Variants in DTNA observed in about 807,000 individuals in gnomAD.
The protein encoded by DTNA is dystrobrevin alpha, also known as dystrophin-related protein 3.
A neutral mutation model predicts 100.7 loss-of-function variants in DTNA; 43 were observed. The observed-to-expected ratio is 0.43, with a 90% CI of 0.33 to 0.55. The LOEUF (loss-of-function observed/expected upper bound fraction) is 0.55. Among genes scored for constraint, DTNA ranks in the 20% least tolerant of loss-of-function variants. The pLI, the probability that DTNA is intolerant of heterozygous loss-of-function variation, is 0.04. For synonymous variants in DTNA, 349 were observed against 347.9 expected, an observed-to-expected ratio of 1.00 and a Z score of -0.04; for missense variants, 798 against 953.9, an observed-to-expected ratio of 0.84 and a Z score of 2.15.
intron 1 of DTNA, among the ~76,000 whole-genome samples, chr18:34,644,777 G>A (rs182448649): frequency 7.2e-5 from 11 of 152,058 alleles, no homozygotes; most frequent in Non-Finnish European, 1.5e-4. Context: ...GCGTTTCCTA[G>A]TATTGCTGCA....
At chr18:34,792,249 C>G (rs1285572920) in intron 3 of DTNA, among the ~76,000 whole-genome samples, 1 of 152,158 alleles carries the variant, frequency 6.6e-6, no homozygotes, top group Non-Finnish European at 1.5e-5. Flanking sequence ...CTCTCTCTCT[C>G]TTAGGGTTCT....
At chr18:34,524,241 G>A (rs1165723802) in intron 1 of DTNA, among the ~76,000 whole-genome samples, 2 of 152,120 alleles carry the variant, frequency 1.3e-5, no homozygotes, top group African/African-American at 4.8e-5. Flanking sequence ...AAATTGCTGT[G>A]CTCTGTGCAC....
intron 1 of DTNA, among the ~76,000 whole-genome samples, chr18:34,503,471 T>C (rs1472994323): frequency 2.0e-5 from 3 of 151,772 alleles, no homozygotes; most frequent in South Asian, 4.2e-4. Context: ...GTATTTTTAG[T>C]AGAGACAGGG....
intron 1 of DTNA, among the ~76,000 whole-genome samples, chr18:34,498,649 T>G (rs2039553002): frequency 6.6e-6 from 1 of 151,994 alleles, no homozygotes; most frequent in Non-Finnish European, 1.5e-5. Flanking sequence ...CAAGTGAAAG[T>G]CTAGAACAGT....
At chr18:34,782,094 G>C (rs1159323602) in intron 3 of DTNA, among the ~76,000 whole-genome samples, 1 of 152,236 alleles carries the variant, frequency 6.6e-6, no homozygotes. Context: ...GAACACTGAG[G>C]TAAAGGGAAA....
intron 3 of DTNA, among the ~76,000 whole-genome samples, chr18:34,772,642 T>C (rs2093837671): frequency 6.6e-6 from 1 of 152,250 alleles, no homozygotes; most frequent in South Asian, 2.1e-4. Flanking sequence ...AGTGTATCAG[T>C]ATTTTCCTCT....
chr18:34,764,487 T>A (rs1396740977), intron 2 of DTNA, among the ~76,000 whole-genome samples: 1 of 152,200 alleles, frequency 6.6e-6, no homozygotes, highest in Non-Finnish European at 1.5e-5. Context: ...TGAGGGTAGT[T>A]CCCCATCTCT....
rs532534383 is a variant in DTNA, at chr18:34,552,669, T to A, written c.-2+59155T>A. On this transcript the variant is annotated intron_variant, in intron 1 of 19. Transcript: ENST00000283365. ...TGCGATAGTTTACTGAGAATGATGATTTCCAATTTCATCCATGTCCCTACA... is the reference window on the plus strand; with the variant it reads ...TGCGATAGTTTACTGAGAATGATGAATTCCAATTTCATCCATGTCCCTACA... Among the ~76,000 whole-genome samples the A allele has an allele frequency of 3.2e-3, 493 of 151,804 alleles. 1 individual carries two copies. Among genetic ancestry groups the A allele is most frequent in the African/African-American group, 0.011 (473 of 41,408 alleles).
At chr18:34,604,902 C>G (rs1277995372) in intron 1 of DTNA, among the ~76,000 whole-genome samples, 2 of 152,144 alleles carry the variant, frequency 1.3e-5, no homozygotes, top group Middle Eastern at 3.2e-3. Flanking sequence ...TAGGCCATAA[C>G]TTATTCTCAG....
At chr18:34,679,581 A>G (rs1355478862) in intron 1 of DTNA, 2 of 152,186 alleles carry the variant, frequency 1.3e-5, no homozygotes, top group Non-Finnish European at 2.9e-5. Context: ...CTGTCCCTTC[A>G]TTGAATTTTA....
chr18:34,566,646 C>T (rs1042909060), intron 1 of DTNA, among the ~76,000 whole-genome samples: 8 of 152,168 alleles, frequency 5.3e-5, no homozygotes, highest in African/African-American at 9.7e-5. Flanking sequence ...CCTCTCTTCT[C>T]GTTGCAGGAC....
At chr18:34,649,636 A>G (rs1481726412) in intron 1 of DTNA, among the ~76,000 whole-genome samples, 1 of 152,196 alleles carries the variant, frequency 6.6e-6, no homozygotes, top group Non-Finnish European at 1.5e-5. Flanking sequence ...TTCTACAGAA[A>G]AAACTTTTGG....
At chr18:34,676,071 T>G (rs980147771) in intron 1 of DTNA, among the ~76,000 whole-genome samples, 3 of 152,212 alleles carry the variant, frequency 2.0e-5, no homozygotes, top group Admixed American at 6.5e-5. Context: ...GTCTAATATT[T>G]GTCTAGGTCC....
At chr18:34,562,204 A>AAAAGAAT (rs2046701840) in intron 1 of DTNA, among the ~76,000 whole-genome samples, 1 of 152,224 alleles carries the variant, frequency 6.6e-6, no homozygotes, top group East Asian at 1.9e-4. Context: ...AATCTCCTTT[A>AAAAGAAT]AAAGAATACA....
At chr18:34,694,177 T>G (rs892264051) in intron 1 of DTNA, among the ~76,000 whole-genome samples, 31 of 152,194 alleles carry the variant, frequency 2.0e-4, no homozygotes, top group Admixed American at 2.0e-4. Flanking sequence ...TGTTCCTGAT[T>G]AGTTATCTTT....
intron 11 of DTNA, among the ~76,000 whole-genome samples, chr18:34,831,071 G>T (rs576501548): frequency 6.6e-6 from 1 of 152,138 alleles, no homozygotes; most frequent in East Asian, 1.9e-4. Flanking sequence ...ATCTTCTTTG[G>T]CATCATGCCT....
chr18:34,587,945 C>T (rs1334895070), intron 1 of DTNA, among the ~76,000 whole-genome samples: 1 of 152,032 alleles, frequency 6.6e-6, no homozygotes, highest in South Asian at 2.1e-4. Flanking sequence ...ATTCAGCAGT[C>T]AGTCCAAGAG....
Position 34,793,856 on chromosome 18 carries a change from T to C in DTNA, c.149-181T>C, listed in dbSNP as rs73412657. Reference sequence around the variant, plus strand: ...TCAGTAAATCATTTGCTTGCTATTATGTAATGCACATCAAGTCTTAGAGAT... The same window carrying C: ...TCAGTAAATCATTTGCTTGCTATTACGTAATGCACATCAAGTCTTAGAGAT... On this transcript the variant is annotated intron_variant, in intron 3 of 22. Coordinates refer to ENST00000444659, the MANE Select transcript of DTNA (RefSeq NM_001386795.1). 0.015 allele frequency among the ~76,000 whole-genome samples: 2,330 copies of C among 152,358 alleles called. 59 individuals are homozygous for C. Among genetic ancestry groups the C allele is most frequent in the African/African-American group, 0.052 (2,181 of 41,576 alleles).
chr18:34,549,880 T>A (rs1249746307), intron 1 of DTNA, among the ~76,000 whole-genome samples: 1 of 152,110 alleles, frequency 6.6e-6, no homozygotes, highest in South Asian at 2.1e-4. Flanking sequence ...ATCTGGTGAT[T>A]TGTACATTTG....
Sources: allele counts gnomAD v4.1 joint callset (sites outside exome capture counted in the v4.1 genomes callset), GRCh38; gene constraint gnomAD v4.1.1; transcripts MANE v1.5; gene names NCBI Gene and HGNC (gene_info 2026-07-23, HGNC 2026-07-21).